The following LCP1 variants were observed in gnomAD, a reference collection of about 807,000 sequenced individuals.
LCP1 encodes plastin-2.
A neutral mutation model predicts 72.0 loss-of-function variants in LCP1; 23 were observed. The ratio of observed to expected loss-of-function variants is 0.32; its 90% CI spans 0.23 to 0.45. LCP1 has a LOEUF of 0.45. Among genes scored for constraint, LCP1 ranks in the 20% least tolerant of loss-of-function variants. The pLI is 1.00. For missense variants in LCP1, 571 were observed against 748.3 expected (o/e 0.76, Z 2.76); for synonymous variants, 245 against 275.4 (o/e 0.89, Z 1.09).
chr13:46,129,963 A>G (rs1331781835), intron 15 of LCP1, among the ~76,000 whole-genome samples: 1 of 152,196 alleles, frequency 6.6e-6, no homozygotes, highest in African/African-American at 2.4e-5. Context: ...GTGTGAAGTC[A>G]CAGACACGCA....
intron 14 of LCP1, among the ~76,000 whole-genome samples, 166 bp downstream of exon 14, chr13:46,133,961 G>T (rs2045648733): frequency 6.6e-6 from 1 of 152,154 alleles, no homozygotes; most frequent in African/African-American, 2.4e-5. Context: ...ATTCATTAAT[G>T]AAATGGCTGA....
chr13:46,150,812 A>G, intron 8 of LCP1, 124 bp downstream of exon 8: 1 of 1,104,866 alleles, frequency 9.1e-7, no homozygotes, highest in Non-Finnish European at 1.3e-6. Flanking sequence ...CACCTCCAAA[A>G]CAGCACCAGA....
intron 1 of LCP1, among the ~76,000 whole-genome samples, chr13:46,177,167 C>A (rs1430896013): frequency 2.0e-5 from 3 of 152,236 alleles, no homozygotes; most frequent in African/African-American, 7.2e-5. Context: ...TACCTCTCTT[C>A]TTCCACTAAC....
At chr13:46,155,643 C>T (rs2045795667) in intron 5 of LCP1, among the ~76,000 whole-genome samples, 1 of 152,228 alleles carries the variant, frequency 6.6e-6, no homozygotes. Context: ...CCTCAAGTCA[C>T]TTCACTTACA....
intron 1 of LCP1, among the ~76,000 whole-genome samples, 165 bp from the exon 2 acceptor site, chr13:46,159,851 A>G (rs1322280899): frequency 6.6e-6 from 1 of 152,176 alleles, no homozygotes; most frequent in African/African-American, 2.4e-5. Context: ...CTTTTTCTCA[A>G]TCCTCCATGT....
At position 46,147,110 on chromosome 13, in the gene LCP1, T is replaced by C; in HGVS notation, c.979-7A>G. On this transcript the variant is annotated splice_region_variant and splice_polypyrimidine_tract_variant and intron_variant, in intron 9 of 15. Coordinates refer to ENST00000323076, the MANE Select transcript of LCP1 (RefSeq NM_002298.5). The stretch of plus-strand genomic sequence containing the variant: ...TCTGGATGTCATCCTTCTCCTGCAA[T>C]GCAAAAGGATGTCTCAGGGCTGGGT... The C allele has an allele frequency of 1.9e-6, 3 of 1,567,218 alleles. No homozygotes were observed. Among genetic ancestry groups the C allele is most frequent in the Non-Finnish European group, 2.6e-6 (3 of 1,159,870 alleles).
Position 46,154,855 on chromosome 13 carries a change from T to C in LCP1, c.523A>G (p.Ile175Val). The C allele has an allele frequency of 1.2e-6, 2 of 1,614,172 alleles. No homozygotes were observed. Among genetic ancestry groups the C allele is most frequent in the South Asian group, 2.2e-5 (2 of 91,088 alleles). ...KMINLSVPDT[I>V]DERTINKKKL... The stretch of plus-strand genomic sequence containing the variant: ...TTTTTGTTGATTGTTCTTTCATCAA[T>C]TGTGTCTGGCACTGACAGGTTGATC... The change falls in exon 6 of 16, where the codon ATT becomes GTT. Residue 175 changes from isoleucine (I) to valine (V), a missense_variant. Physicochemically the swap from Ile to Val is conservative, Grantham distance 29. Transcript: ENST00000323076.
At chr13:46,156,353 G>C (rs2045800901) in intron 5 of LCP1, 85 bp downstream of exon 5, 2 of 1,526,704 alleles carry the variant, frequency 1.3e-6, no homozygotes, top group African/African-American at 1.4e-5. Flanking sequence ...ACCAAACAAA[G>C]TTGGCCTACG....
intron 7 of LCP1, among the ~76,000 whole-genome samples, chr13:46,152,308 A>C (rs1421136245): frequency 3.3e-5 from 5 of 152,000 alleles, no homozygotes; most frequent in Non-Finnish European, 5.9e-5. Flanking sequence ...TTAGATCTCC[A>C]CTTATTCATC....
intron 6 of LCP1, among the ~76,000 whole-genome samples, chr13:46,154,088 G>C (rs532638988): frequency 3.9e-5 from 6 of 152,318 alleles, no homozygotes; most frequent in Non-Finnish European, 5.9e-5. Flanking sequence ...GTGCTTAAAT[G>C]ATGAGTGAAA....
At chr13:46,173,342 A>G (rs1276120989) in intron 1 of LCP1, among the ~76,000 whole-genome samples, 1 of 152,196 alleles carries the variant, frequency 6.6e-6, no homozygotes, top group Admixed American at 6.6e-5. Flanking sequence ...CGTTCATTTC[A>G]TAGGGCAGCA....
At chr13:46,148,683 A>C in intron 8 of LCP1, 2 of 482,578 alleles carry the variant, frequency 4.1e-6, no homozygotes, top group Non-Finnish European at 3.3e-6. Flanking sequence ...ATATACACAA[A>C]AGGCACCCTA....
Position 46,148,463 on chromosome 13 carries a change from A to G in LCP1, c.883-16T>C. On this transcript the variant is annotated splice_polypyrimidine_tract_variant and intron_variant, in intron 8 of 15. Transcript: ENST00000323076. The stretch of plus-strand genomic sequence containing the variant: ...CTTTTGAGTCCTGTGAGAAATTAAG[A>G]AATTCCAATTTCAAAATAGCACAGC... 6.5e-7 allele frequency: 1 copy of G among 1,540,588 alleles called. No homozygotes were observed. The highest frequency in any genetic ancestry group is 8.9e-7 in the Non-Finnish European group (1 of 1,122,336).
intron 1 of LCP1, among the ~76,000 whole-genome samples, chr13:46,163,683 T>C (rs2045860670): frequency 6.7e-6 from 1 of 148,594 alleles, no homozygotes; most frequent in Admixed American, 6.7e-5. Context: ...GGACTATGGA[T>C]AGCCCCATGG....
intron 13 of LCP1, among the ~76,000 whole-genome samples, chr13:46,139,374 T>A (rs1173841822): frequency 6.6e-6 from 1 of 152,230 alleles, no homozygotes; most frequent in Non-Finnish European, 1.5e-5. Flanking sequence ...CTTCTGATTA[T>A]CCTACCTTAT....
rs983337822 is a variant in LCP1, at chr13:46,156,340, A to C, written c.491+98T>G. 5.7e-6 allele frequency: 8 copies of C among 1,413,030 alleles called. No homozygotes were observed. In the East Asian group the frequency reaches 1.6e-4, roughly 28 times the overall value. The allele number at this position is 1,413,030 out of a possible 1,614,324, so 87.5% of individuals were successfully genotyped here. ...CAGAAAAGCCTTCTAGGTGCAGCTG[A>C]GCACCAAACAAAGTTGGCCTACGAT... On this transcript the variant is annotated intron_variant, in intron 5 of 15. Coordinates refer to ENST00000323076, the MANE Select transcript of LCP1 (RefSeq NM_002298.5).
chr13:46,158,502 A>G lies in LCP1; in HGVS notation c.358+20T>C, dbSNP rs112154737. 129 of 1,610,200 alleles carry G rather than the reference A, an allele frequency of 8.0e-5. No individual in the cohort carries two copies. In the African/African-American group the frequency reaches 1.6e-3, roughly 20 times the overall value. ...ATCTGTAATCCTGAAATCCTGCTCC[A>G]ACCCAGGAGTTGAGCCTACCTGAAT... is the stretch of plus-strand genomic sequence containing the variant. On this transcript the variant is annotated intron_variant, in intron 4 of 15. Coordinates refer to ENST00000323076, the MANE Select transcript of LCP1 (RefSeq NM_002298.5).
At chr13:46,137,887 T>C (rs899251798) in intron 13 of LCP1, among the ~76,000 whole-genome samples, 1 of 152,252 alleles carries the variant, frequency 6.6e-6, no homozygotes, top group Non-Finnish European at 1.5e-5. Context: ...ATGTGATTAG[T>C]ACCTGCTTAC....
At chr13:46,172,484 A>G (rs113334577) in intron 1 of LCP1, among the ~76,000 whole-genome samples, 2,005 of 152,252 alleles carry the variant, frequency 0.013, 24 homozygotes, top group Non-Finnish European at 0.017. Context: ...GCTCCATTAC[A>G]TTAAAAAAAA....
Sources: allele counts gnomAD v4.1 joint callset (sites outside exome capture counted in the v4.1 genomes callset), GRCh38; gene constraint gnomAD v4.1.1; transcripts MANE v1.5; gene names NCBI Gene and HGNC (gene_info 2026-07-23, HGNC 2026-07-21).